The following IFFO1 variants were observed in gnomAD, a reference collection of about 807,000 sequenced individuals.
IFFO1 encodes intermediate filament family orphan 1, also known as non-homologous end joining factor IFFO1.
A neutral mutation model predicts 59.6 loss-of-function variants in IFFO1; 42 were observed. The observed-to-expected ratio is 0.70, with a 90% CI of 0.55 to 0.91. The LOEUF (loss-of-function observed/expected upper bound fraction) is 0.91, where lower values mean the gene tolerates loss of function less well. Among genes scored for constraint, IFFO1 ranks in the 40% least tolerant of loss-of-function variants. The probability of loss-of-function intolerance (pLI) is 0.00; values close to 1 mark genes in which losing one functional copy is unlikely to be tolerated. For synonymous variants in IFFO1, 336 were observed against 342.8 expected (o/e 0.98, Z 0.22); for missense variants, 711 against 793.2 (o/e 0.90, Z 1.24).
At position 6,548,595 on chromosome 12, in the gene IFFO1, G is replaced by T. The variant is rs369602476; in HGVS notation, c.1263-50C>A. On this transcript the variant is annotated intron_variant, in intron 6 of 9. Coordinates refer to ENST00000619571, the MANE Select transcript of IFFO1 (RefSeq NM_001193457.2). This position sits in a 1 kb window ranked among gnomAD's most constrained non-coding sequence, Gnocchi z 6.1. ...AGGGCGGGCGGGGCCTCGTCCTGGC[G>T]GGGGACTGGGGAGCTCCGGCCTCCT... is the stretch of plus-strand genomic sequence containing the variant. 10 of 1,613,216 alleles carry T rather than the reference G, an allele frequency of 6.2e-6. No homozygotes were observed. In the African/African-American group the frequency reaches 9.3e-5, roughly 15 times the overall value.
intron 8 of IFFO1, among the ~76,000 whole-genome samples, chr12:6,547,090 G>A (rs1947000160): frequency 6.6e-6 from 1 of 152,064 alleles, no homozygotes; most frequent in Admixed American, 6.6e-5. Flanking sequence ...AACCCTATAG[G>A]TGAGGTATTA....
chr12:6,543,116 G>T (rs148931215), intron 8 of IFFO1, among the ~76,000 whole-genome samples: 1 of 152,078 alleles, frequency 6.6e-6, no homozygotes, highest in Non-Finnish European at 1.5e-5. Context: ...GGTGAGGAGC[G>T]GTGGGGAAGA....
Position 6,548,134 on chromosome 12 carries a change from C to T in IFFO1, c.1410G>A (p.Val470=). ...GEQQEDSLEK[V]IKDTESLFKT... ...TGAACAGGGACTCCGTATCTTTAAT[C>T]ACCTTCTCCAGGCTATCTTCCTGCT... Residue 470 remains valine, a synonymous_variant, in exon 8 of 10, where the codon GTG becomes GTA. Transcript: ENST00000619571. The surrounding 1 kb of genome is among the most constrained non-coding windows in gnomAD (Gnocchi z 6.1). The T allele has an allele frequency of 6.2e-7, 1 of 1,614,112 alleles. No homozygotes were observed. The highest frequency in any genetic ancestry group is 8.5e-7 in the Non-Finnish European group (1 of 1,179,968).
At position 6,540,187 on chromosome 12, in the gene IFFO1, A is replaced by G; in HGVS notation, c.*296T>C. 2 of 500,064 alleles carry G rather than the reference A, an allele frequency of 4.0e-6. No individual in the cohort carries two copies. Among genetic ancestry groups the G allele is most frequent in the Non-Finnish European group, 7.2e-6 (2 of 277,792 alleles). The allele number at this position is 500,064 out of a possible 1,614,324, so 31.0% of individuals were successfully genotyped here. On this transcript the variant is annotated 3_prime_UTR_variant, in exon 10 of 10. Transcript: ENST00000619571. Reference sequence around the variant, plus strand: ...TACGTGGACAAGGTGAGGGGCCGCAATCGCTCTGGCAGCATTTTAAAGATG... The same window carrying G: ...TACGTGGACAAGGTGAGGGGCCGCAGTCGCTCTGGCAGCATTTTAAAGATG...
At chr12:6,550,841 A>C in intron 2 of IFFO1, 51 bp from the exon 3 acceptor site, 1 of 1,603,368 alleles carries the variant, frequency 6.2e-7, no homozygotes, top group Non-Finnish European at 8.5e-7. Context: ...GGTGGGAGGA[A>C]GATAAAGATG....
Position 6,549,829 on chromosome 12 carries a change from C to T in IFFO1, c.998G>A (p.Arg333His), listed in dbSNP as rs1224641884. ...AMKVDMDICR[R>H]IDITAKLCDV... ...GCAGAGCTTGGCGGTGATGTCGATGCGGCGGCAGATGTCCATATCCACCTT... is the reference window on the plus strand; with the variant it reads ...GCAGAGCTTGGCGGTGATGTCGATGTGGCGGCAGATGTCCATATCCACCTT... Residue 333 changes from arginine (R) to histidine (H), a missense_variant, in exon 4 of 10, where the codon CGC (arginine) becomes CAC (histidine). Physicochemically the swap from Arg to His is conservative, Grantham distance 29 (BLOSUM62 0). Around this residue, in one of 3 missense-constraint regions of IFFO1, gnomAD observed 579 missense variants for 650.3 expected, o/e 0.89. Coordinates refer to ENST00000619571, the MANE Select transcript of IFFO1 (RefSeq NM_001193457.2). The surrounding 1 kb of genome is among the most constrained non-coding windows in gnomAD (Gnocchi z 5.0). 7.4e-6 allele frequency: 12 copies of T among 1,614,038 alleles called. No homozygotes were observed. The highest frequency in any genetic ancestry group is 2.7e-5 in the African/African-American group (2 of 74,946).
In IFFO1 at chr12:6,555,294, C is replaced by T. The variant is rs1011911388; in HGVS notation, c.736G>A (p.Ala246Thr). ...TCGTCCCGCTCCCGCTTCACTTTGG[C>T]CAGCACGTTGTAGAGAGCGCGGATC... ...PEIRALYNVL[A>T]KVKRERDEYK... is the part of the protein sequence containing the mutation. Residue 246 changes from alanine to threonine, a missense_variant, in exon 1 of 10, where the codon GCC (alanine) becomes ACC (threonine). Transcript: ENST00000619571. The surrounding 1 kb of genome is among the most constrained non-coding windows in gnomAD (Gnocchi z 8.6). The T allele has an allele frequency of 1.9e-6, 3 of 1,614,184 alleles. No individual in the cohort carries two copies. Among genetic ancestry groups the T allele is most frequent in the Middle Eastern group, 1.6e-4 (1 of 6,062 alleles).
chr12:6,548,594 C>T lies in IFFO1; in HGVS notation c.1263-49G>A, dbSNP rs537022671. 20 of 1,613,540 alleles carry T rather than the reference C, an allele frequency of 1.2e-5. No homozygotes were observed. The highest frequency in any genetic ancestry group is 1.7e-4 in the Middle Eastern group (1 of 6,056). ...CAGGGCGGGCGGGGCCTCGTCCTGG[C>T]GGGGGACTGGGGAGCTCCGGCCTCC... On this transcript the variant is annotated intron_variant, in intron 6 of 9. Coordinates refer to ENST00000619571, the MANE Select transcript of IFFO1 (RefSeq NM_001193457.2). This position sits in a 1 kb window ranked among gnomAD's most constrained non-coding sequence, Gnocchi z 6.1.
rs1432980211 is a variant in IFFO1 at position 6,555,529 on chromosome 12, G to T, written c.501C>A (p.Leu167=). Residue 167 remains leucine (L), a synonymous_variant, in exon 1 of 10, where the codon CTC becomes CTA. Coordinates refer to ENST00000619571, the MANE Select transcript of IFFO1 (RefSeq NM_001193457.2). The surrounding 1 kb of genome is among the most constrained non-coding windows in gnomAD (Gnocchi z 8.6). Reference sequence around the variant, plus strand: ...ACGAGAGGCTGGCCGCGGAGGGCGCGAGGGGGCCGGCCGGGGAGCGCGCGG... The same window carrying T: ...ACGAGAGGCTGGCCGCGGAGGGCGCTAGGGGGCCGGCCGGGGAGCGCGCGG... ...GSPARSPAGP[L]APSAASLSSS... The T allele has an allele frequency of 1.9e-6, 3 of 1,557,804 alleles. No individual in the cohort carries two copies. In the East Asian group the frequency reaches 7.4e-5, roughly 38 times the overall value.
rs1947145812 is a variant in IFFO1, at chr12:6,549,657, C to T, written c.1071+99G>A. The T allele has an allele frequency of 7.3e-6, 11 of 1,511,734 alleles. No individual in the cohort carries two copies. Among genetic ancestry groups the T allele is most frequent in the Non-Finnish European group, 9.9e-6 (11 of 1,106,886 alleles). 93.6% of individuals were successfully genotyped at this position (1,511,734 alleles called of 1,614,324 possible). ...AGGGCCCCAGTTGCCAGGTAAGGCT[C>T]CCCAAGCAGGAGGCAGGGCCTGCGT... On this transcript the variant is annotated intron_variant, in intron 4 of 9. Transcript: ENST00000619571. The surrounding 1 kb of genome is among the most constrained non-coding windows in gnomAD (Gnocchi z 5.0).
chr12:6,555,969 C>G lies in IFFO1; in HGVS notation c.61G>C (p.Gly21Arg). The change falls in exon 1 of 10, where the codon GGG (glycine) becomes CGG (arginine). Residue 21 changes from glycine (G) to arginine (R), a missense_variant. Around this residue, in one of 3 missense-constraint regions of IFFO1, gnomAD observed 114 missense variants for 102.4 expected, o/e 1.11. Coordinates refer to ENST00000619571, the MANE Select transcript of IFFO1 (RefSeq NM_001193457.2). This position sits in a 1 kb window ranked among gnomAD's most constrained non-coding sequence, Gnocchi z 8.6. ...CCTCCCAGTGAGTCCCCCAGTGGCC[C>G]GGCCAGGCCCTGCTGCTCCTGCTGC... The part of the protein sequence containing the change: ...LLQQEQQGLA[G>R]PLGDSLGGDH... 1 of 1,568,024 alleles carries G rather than the reference C, an allele frequency of 6.4e-7. No individual in the cohort carries two copies. Among genetic ancestry groups the G allele is most frequent in the Non-Finnish European group, 8.6e-7 (1 of 1,164,074 alleles).
chr12:6,555,616 C>T lies in IFFO1; in HGVS notation c.414G>A (p.Gly138=), dbSNP rs1399357439. The T allele has an allele frequency of 4.1e-6, 6 of 1,461,068 alleles. No homozygotes were observed. The Admixed American group carries it at 1.8e-4, about 44-fold the overall frequency. The allele number at this position is 1,461,068 out of a possible 1,614,324, so 90.5% of individuals were successfully genotyped here. A position where few individuals can be genotyped will look rare whatever the true frequency, so the allele number is the denominator to read the frequency against. ...CGGCCGGCCGGGCGCCCAGCTGCAG[C>T]CCCAGGGGCCGGATGGGGCTGACGA... ...TGFVSPIRPL[G]LQLGARPAAV... The change falls in exon 1 of 10, where the codon GGG becomes GGA. Residue 138 remains glycine (G), a synonymous_variant. Coordinates refer to ENST00000619571, the MANE Select transcript of IFFO1 (RefSeq NM_001193457.2). This position sits in a 1 kb window ranked among gnomAD's most constrained non-coding sequence, Gnocchi z 8.6.
rs755138139 is a variant in IFFO1 at position 6,541,547 on chromosome 12, C to A, written c.1575G>T (p.Glu525Asp). ...ACTGGGTGATGAGCCGGCGGCAGGT[C>A]TCCATCTGCACGTCCAGGCCGCGCT... ...SMKRGLDVQM[E>D]TCRRLITQSG... Residue 525 changes from glutamate to aspartate, a missense_variant, in exon 9 of 10, where the codon GAG becomes GAT. Glu to Asp is a conservative substitution (Grantham distance 45, BLOSUM62 2). Around this residue, in one of 3 missense-constraint regions of IFFO1, gnomAD observed 579 missense variants for 650.3 expected, o/e 0.89. Transcript: ENST00000619571. This position sits in a 1 kb window ranked among gnomAD's most constrained non-coding sequence, Gnocchi z 4.8. The A allele has an allele frequency of 3.1e-6, 5 of 1,614,052 alleles. No homozygotes were observed. The highest frequency in any genetic ancestry group is 3.3e-5 in the Admixed American group (2 of 60,012).
At chr12:6,550,835 GGAGGAA>G in intron 2 of IFFO1, 45 bp from the exon 3 acceptor site, 2 of 1,604,722 alleles carry the variant, frequency 1.2e-6, no homozygotes, top group Non-Finnish European at 1.7e-6. Context: ...TGCCGAGGTG[GGAGGAA>G]GATAAAGATG....
At chr12:6,550,429 T>C (rs1234027799) in intron 3 of IFFO1, 1 of 529,794 alleles carries the variant, frequency 1.9e-6, no homozygotes, top group Non-Finnish European at 3.4e-6. Context: ...CGGCGCCAGC[T>C]GCAGAGCCTC....
chr12:6,553,674 A>G (rs1292795953), intron 1 of IFFO1, among the ~76,000 whole-genome samples: 1 of 151,964 alleles, frequency 6.6e-6, no homozygotes, highest in Non-Finnish European at 1.5e-5. Context: ...CAAGAGGCTG[A>G]GGCAGGATGA....
At chr12:6,554,382 C>A (rs1947351995) in intron 1 of IFFO1, among the ~76,000 whole-genome samples, 1 of 152,230 alleles carries the variant, frequency 6.6e-6, no homozygotes, top group Non-Finnish European at 1.5e-5. Flanking sequence ...CACTCCTGTC[C>A]TATCGGCTTG....
Position 6,549,231 on chromosome 12 carries a change from C to T in IFFO1, c.1080+245G>A. The T allele has an allele frequency of 1.7e-6, 1 of 586,076 alleles. No individual in the cohort carries two copies. The highest frequency in any genetic ancestry group is 3.0e-6 in the Non-Finnish European group (1 of 332,868). 36.3% of individuals were successfully genotyped at this position (586,076 alleles called of 1,614,324 possible). A position where few individuals can be genotyped will look rare whatever the true frequency, so the allele number is the denominator to read the frequency against. On this transcript the variant is annotated intron_variant, in intron 5 of 9. Transcript: ENST00000619571. The surrounding 1 kb of genome is among the most constrained non-coding windows in gnomAD (Gnocchi z 5.0). ...TTAGGACGCAAGGAGGATGAGTGTGCAATGTGTACAAAAGAGAACCTGAAT... is the reference window on the plus strand; with the variant it reads ...TTAGGACGCAAGGAGGATGAGTGTGTAATGTGTACAAAAGAGAACCTGAAT...
chr12:6,552,609 C>G (rs770942062), intron 1 of IFFO1, among the ~76,000 whole-genome samples: 18 of 152,206 alleles, frequency 1.2e-4, no homozygotes, highest in Non-Finnish European at 1.5e-5. Context: ...TGGAGGGAGA[C>G]AGTAAGCCTG....
Sources: gnomAD v4.1 joint callset for allele counts (sites outside exome capture counted in the v4.1 genomes callset) on GRCh38, gnomAD v4.1.1 for gene constraint, gnomAD v4.1.1 regional missense constraint, Gnocchi (gnomAD v3.1) non-coding constraint, MANE v1.5 for transcripts, NCBI Gene and HGNC (gene_info 2026-07-23, HGNC 2026-07-21) for gene names.